Variants in FOXN1 observed in about 807,000 individuals in gnomAD.
The protein encoded by FOXN1 is forkhead box N1, also known as forkhead box protein N1.
A neutral mutation model predicts 49.0 loss-of-function variants in FOXN1; 15 were observed. The ratio of observed to expected loss-of-function variants is 0.31; its 90% confidence interval spans 0.20 to 0.47. The LOEUF is 0.47. Among genes scored for constraint, FOXN1 ranks in the 20% least tolerant of loss-of-function variants. The pLI is 1.00. For missense variants in FOXN1, 800 were observed against 842.8 expected, an observed-to-expected ratio of 0.95 and a Z score of 0.63; for synonymous variants, 356 against 369.0, an observed-to-expected ratio of 0.96 and a Z score of 0.40.
chr17:28,516,087 C>G (rs1427351431), intron 1 of FOXN1, among the ~76,000 whole-genome samples: 5 of 150,112 alleles, frequency 3.3e-5, no homozygotes, highest in Admixed American at 2.6e-4. Flanking sequence ...CATACCTCCA[C>G]AGGGTACACA....
chr17:28,518,213 C>CT (rs566924329), intron 1 of FOXN1, among the ~76,000 whole-genome samples: 75 of 152,322 alleles, frequency 4.9e-4, no homozygotes, highest in African/African-American at 1.8e-3. Flanking sequence ...GTACACACCT[C>CT]CGCAGGGTAC....
At chr17:28,528,722 C>G (rs1002559348) in intron 4 of FOXN1, among the ~76,000 whole-genome samples, 1 of 152,206 alleles carries the variant, frequency 6.6e-6, no homozygotes, top group Non-Finnish European at 1.5e-5. Flanking sequence ...GCTGGACATC[C>G]TGCTTCCGGC....
In FOXN1 at chr17:28,536,186, G is replaced by A. The variant is rs577518775; in HGVS notation, c.1628-931G>A. Among the ~76,000 whole-genome samples, 17 of 152,342 alleles carry A rather than the reference G, an allele frequency of 1.1e-4. No homozygotes were observed. The South Asian group carries it at 2.7e-3, about 24-fold the overall frequency. On this transcript the variant is annotated intron_variant, in intron 8 of 8. Coordinates refer to ENST00000579795, the MANE Select transcript of FOXN1 (RefSeq NM_001369369.1). ...CCTGTCCTCAGAGAGCTCCCAACCC[G>A]ATGGGGAGACAACCCAGGTTTAGGA...
chr17:28,510,277 C>T (rs1490424298), intron 1 of FOXN1, among the ~76,000 whole-genome samples: 4 of 152,046 alleles, frequency 2.6e-5, no homozygotes, highest in Non-Finnish European at 4.4e-5. Context: ...GACACACATA[C>T]ACACAGAGAC....
chr17:28,509,654 AC>A (rs1168428618), intron 1 of FOXN1, among the ~76,000 whole-genome samples: 1 of 152,242 alleles, frequency 6.6e-6, no homozygotes, highest in Non-Finnish European at 1.5e-5. Context: ...CTGGATGCTC[AC>A]CAAACAGTAA....
intron 1 of FOXN1, among the ~76,000 whole-genome samples, chr17:28,516,979 T>C (rs78742871): frequency 9.3e-4 from 24 of 25,914 alleles, no homozygotes; most frequent in South Asian, 1.3e-3. Flanking sequence ...GCAGGATCCA[T>C]ACCTCCACAG....
At chr17:28,521,683 C>T (rs1032049188) in intron 1 of FOXN1, among the ~76,000 whole-genome samples, 4 of 152,242 alleles carry the variant, frequency 2.6e-5, no homozygotes, top group Admixed American at 2.6e-4. Context: ...CCACCAGGCC[C>T]CCACCTAGAC....
In FOXN1 at chr17:28,537,661, GC is replaced by G. The variant is rs1044499123; in HGVS notation, c.*230del. The G allele has an allele frequency of 1.1e-5, 7 of 615,510 alleles. No individual in the cohort carries two copies. The highest frequency in any genetic ancestry group is 3.7e-5 in the South Asian group (2 of 54,368). The allele number at this position is 615,510 out of a possible 1,614,324, so 38.1% of individuals were successfully genotyped here. ...GTGGTGGCCCAGCTCCTCACCCAGGGCCCCCAAAGAGCAAGCGTCTGGGCAA... is the reference window on the plus strand; with the variant it reads ...GTGGTGGCCCAGCTCCTCACCCAGGGCCCCAAAGAGCAAGCGTCTGGGCAA... On this transcript the variant is annotated 3_prime_UTR_variant, in exon 9 of 9. Coordinates refer to ENST00000579795, the MANE Select transcript of FOXN1 (RefSeq NM_001369369.1).
At chr17:28,522,554 G>A (rs931159643) in intron 1 of FOXN1, among the ~76,000 whole-genome samples, 17 of 152,184 alleles carry the variant, frequency 1.1e-4, no homozygotes, top group Non-Finnish European at 2.2e-4. Flanking sequence ...GGCTGAGGCA[G>A]GAAAATCACT....
chr17:28,537,980 A>G lies in FOXN1; in HGVS notation c.*544A>G, dbSNP rs1481213079. On this transcript the variant is annotated 3_prime_UTR_variant, in exon 9 of 9. Transcript: ENST00000579795. ...TCTTTCCCAGAAGCGCCCTGTATTT[A>G]TTCCCCCATCTTCATCCCAACAGCC... The G allele has an allele frequency of 6.3e-6, 1 of 159,802 alleles. No individual in the cohort carries two copies. The highest frequency in any genetic ancestry group is 1.3e-5 in the Non-Finnish European group (1 of 74,914). The allele number at this position is 159,802 out of a possible 1,614,324, so 9.9% of individuals were successfully genotyped here.
chr17:28,524,851 T>C lies in FOXN1; in HGVS notation c.472T>C (p.Phe158Leu). 1 of 1,613,738 alleles carries C rather than the reference T, an allele frequency of 6.2e-7. No homozygotes were observed. The highest frequency in any genetic ancestry group is 8.5e-7 in the Non-Finnish European group (1 of 1,179,994). Residue 158 changes from phenylalanine to leucine, a missense_variant, in exon 3 of 9, where the codon TTC (phenylalanine) becomes CTC (leucine). By Grantham distance (22) the Phe-to-Leu change is conservative (BLOSUM62 0). This residue lies in a region of FOXN1 where 383 missense variants were observed against 357.9 expected (regional missense o/e 1.07). Coordinates refer to ENST00000579795, the MANE Select transcript of FOXN1 (RefSeq NM_001369369.1). ...SFKTPGPLEA[F>L]EEIPVDVAEA... ...TAAGACCCCAGGGCCGCTGGAGGCCTTCGAGGAGATCCCAGTGGACGTGGC... is the reference window on the plus strand; with the variant it reads ...TAAGACCCCAGGGCCGCTGGAGGCCCTCGAGGAGATCCCAGTGGACGTGGC...
At position 28,534,938 on chromosome 17, in the gene FOXN1, T is replaced by G; in HGVS notation, c.1367T>G (p.Leu456Trp). 1 of 1,614,064 alleles carries G rather than the reference T, an allele frequency of 6.2e-7. No homozygotes were observed. Among genetic ancestry groups the G allele is most frequent in the Non-Finnish European group, 8.5e-7 (1 of 1,179,990 alleles). Reference protein sequence around the residue: ...HTPSCYGQTYLHLSPGLAPPG... With the variant: ...HTPSCYGQTYWHLSPGLAPPG... ...CCCTCCTGCTATGGGCAGACATACTTGCACCTCTCACCAGGCCTGGCCCCT... is the reference window on the plus strand; with the variant it reads ...CCCTCCTGCTATGGGCAGACATACTGGCACCTCTCACCAGGCCTGGCCCCT... Residue 456 changes from leucine to tryptophan, a missense_variant, in exon 8 of 9, where the codon TTG becomes TGG. Transcript: ENST00000579795. This position sits in a 1 kb window ranked among gnomAD's most constrained non-coding sequence, Gnocchi z 4.1.
intron 1 of FOXN1, among the ~76,000 whole-genome samples, chr17:28,519,675 G>A (rs530115394): frequency 6.6e-6 from 1 of 152,292 alleles, no homozygotes; most frequent in South Asian, 2.1e-4. Context: ...GTCAGCCCCA[G>A]GACACTGGGG....
chr17:28,526,849 G>C (rs1017508012), intron 3 of FOXN1, among the ~76,000 whole-genome samples: 1 of 152,194 alleles, frequency 6.6e-6, no homozygotes, highest in South Asian at 2.1e-4. Context: ...TTCTGGAGCT[G>C]TGACCTTTTC....
At chr17:28,513,158 T>C (rs889061250) in intron 1 of FOXN1, among the ~76,000 whole-genome samples, 1 of 152,056 alleles carries the variant, frequency 6.6e-6, no homozygotes, top group Non-Finnish European at 1.5e-5. Flanking sequence ...AATCCCAGCT[T>C]CTTGGGAGGC....
At chr17:28,523,896 C>G in intron 1 of FOXN1, 60 bp from the exon 2 acceptor site, 2 of 1,590,508 alleles carry the variant, frequency 1.3e-6, no homozygotes, top group Non-Finnish European at 1.7e-6. Flanking sequence ...AGGTGGCGAA[C>G]CTGGGTTGGT....
At chr17:28,511,360 C>T (rs1170011204) in intron 1 of FOXN1, among the ~76,000 whole-genome samples, 3 of 152,138 alleles carry the variant, frequency 2.0e-5, no homozygotes, top group African/African-American at 4.8e-5. Context: ...GTGAGAGGCC[C>T]CTGGCCCAAC....
chr17:28,527,748 G>A (rs1008352530), intron 4 of FOXN1, among the ~76,000 whole-genome samples: 3 of 152,192 alleles, frequency 2.0e-5, no homozygotes, highest in African/African-American at 7.2e-5. Context: ...AAGGGCTTCT[G>A]TATAGTCAGC....
chr17:28,509,522 T>G (rs2069342754), intron 1 of FOXN1, among the ~76,000 whole-genome samples: 2 of 152,108 alleles, frequency 1.3e-5, no homozygotes, highest in Non-Finnish European at 2.9e-5. Flanking sequence ...GGTTCTGGGG[T>G]GTCCCCCAGG....
Sources: allele counts gnomAD v4.1 joint callset (sites outside exome capture counted in the v4.1 genomes callset), GRCh38; gene constraint gnomAD v4.1.1; regional missense constraint gnomAD v4.1.1; non-coding constraint Gnocchi (gnomAD v3.1); transcripts MANE v1.5; gene names NCBI Gene and HGNC (gene_info 2026-07-23, HGNC 2026-07-21).